The following MCPH1 variants were observed in gnomAD, a reference collection of about 807,000 sequenced individuals.
MCPH1 encodes the protein microcephalin 1, also known as microcephalin.
Under a neutral mutation model 84.5 loss-of-function variants are expected in MCPH1, and 104 were observed. That is an observed-to-expected ratio of 1.23 (90% confidence interval 1.05 to 1.45). The LOEUF is 1.45. MCPH1 is among the 40% of genes most tolerant of loss of function. The pLI is 0.00. For synonymous variants in MCPH1, 514 were observed against 366.8 expected, an observed-to-expected ratio of 1.40 and a Z score of -4.58; for missense variants, 1,498 against 1,005.7, an observed-to-expected ratio of 1.49 and a Z score of -6.62.
intron 4 of MCPH1, 47 bp from the exon 5 acceptor site, chr8:6,436,001 T>G (rs1402466067): frequency 1.2e-6 from 2 of 1,607,352 alleles, no homozygotes; most frequent in Non-Finnish European, 1.7e-6. Flanking sequence ...TTCTCCTGCC[T>G]TAAGCAGTTG....
chr8:6,479,175 G>C (rs1031570066), intron 10 of MCPH1, among the ~76,000 whole-genome samples: 1 of 152,068 alleles, frequency 6.6e-6, no homozygotes, highest in African/African-American at 2.4e-5. Context: ...GATAAGGCAG[G>C]AGGATCACTT....
At chr8:6,590,367 A>C (rs1008142052) in intron 12 of MCPH1, among the ~76,000 whole-genome samples, 8 of 152,234 alleles carry the variant, frequency 5.3e-5, no homozygotes, top group African/African-American at 1.9e-4. Context: ...CATTTGGTTT[A>C]TGTTTTCTGG....
At chr8:6,454,388 C>G (rs1333286235) in intron 8 of MCPH1, among the ~76,000 whole-genome samples, 1 of 152,156 alleles carries the variant, frequency 6.6e-6, no homozygotes, top group Non-Finnish European at 1.5e-5. Context: ...TTGCATTATA[C>G]CATTGAGACC....
In MCPH1 at chr8:6,625,802, A is replaced by G. The variant is rs561303446; in HGVS notation, c.2452+4111A>G. On this transcript the variant is annotated intron_variant, in intron 13 of 13. Transcript: ENST00000344683. ...CCATCTCTAAAAAGAAAAAAAAAAG[A>G]ATCATTTTTCAGTGCCTTTATATTG... 9.1e-5 allele frequency: 90 copies of G among 984,408 alleles called. No homozygotes were observed. In the African/African-American group the frequency reaches 1.5e-3, roughly 16 times the overall value. The allele number at this position is 984,408 out of a possible 1,614,324, so 61.0% of individuals were successfully genotyped here.
intron 13 of MCPH1, among the ~76,000 whole-genome samples, chr8:6,639,324 G>T (rs541044177): frequency 6.6e-6 from 1 of 152,174 alleles, no homozygotes; most frequent in African/African-American, 2.4e-5. Flanking sequence ...AATAAAGATA[G>T]AAGTGTATCT....
intron 12 of MCPH1, among the ~76,000 whole-genome samples, chr8:6,553,050 T>G (rs1823941850): frequency 6.6e-6 from 1 of 152,140 alleles, no homozygotes; most frequent in Admixed American, 6.5e-5. Flanking sequence ...CTTCATACAT[T>G]GGTCCAAACC....
chr8:6,530,530 AAGTAAT>A (rs1332809876), intron 12 of MCPH1, among the ~76,000 whole-genome samples: 2 of 141,160 alleles, frequency 1.4e-5, no homozygotes, highest in Non-Finnish European at 3.1e-5. Context: ...AAAAAAAAAA[AAGTAAT>A]GGCAAAATCT....
chr8:6,500,071 C>T (rs1485149580), intron 12 of MCPH1, 142 bp downstream of exon 12: 4 of 722,346 alleles, frequency 5.5e-6, no homozygotes, highest in East Asian at 2.6e-5. Flanking sequence ...GAACTTAACA[C>T]CTTTTATCAA....
intron 3 of MCPH1, among the ~76,000 whole-genome samples, chr8:6,419,273 G>A (rs1026453483): frequency 6.6e-6 from 1 of 152,032 alleles, no homozygotes; most frequent in Admixed American, 6.6e-5. Flanking sequence ...AGGCTGGAAT[G>A]CAATGACTCA....
At chr8:6,534,673 C>T (rs975014439) in intron 12 of MCPH1, among the ~76,000 whole-genome samples, 1 of 152,188 alleles carries the variant, frequency 6.6e-6, no homozygotes, top group African/African-American at 2.4e-5. Context: ...AAATCAGTCA[C>T]TGATACCCGG....
chr8:6,623,047 C>T (rs1222740514), intron 13 of MCPH1, among the ~76,000 whole-genome samples: 1 of 121,286 alleles, frequency 8.2e-6, no homozygotes, highest in Non-Finnish European at 1.6e-5. Context: ...GAGATGGGGT[C>T]TCCCTATGTT....
intron 9 of MCPH1, chr8:6,473,932 C>G: frequency 1.3e-6 from 2 of 1,485,564 alleles, no homozygotes; most frequent in East Asian, 2.3e-5. Flanking sequence ...TGCTGGGCAG[C>G]CGATGCACAA....
chr8:6,599,516 G>A (rs989907278), intron 12 of MCPH1, among the ~76,000 whole-genome samples: 3 of 152,194 alleles, frequency 2.0e-5, no homozygotes, highest in Non-Finnish European at 2.9e-5. Context: ...ATGTTGGAAT[G>A]GAGACAAAAA....
At chr8:6,466,219 C>G (rs535999116) in intron 9 of MCPH1, among the ~76,000 whole-genome samples, 1 of 151,080 alleles carries the variant, frequency 6.6e-6, no homozygotes, top group South Asian at 2.1e-4. Context: ...TCATTGCAAC[C>G]TCCGCTTCCC....
intron 12 of MCPH1, among the ~76,000 whole-genome samples, chr8:6,576,209 C>A (rs2129576730): frequency 6.6e-6 from 1 of 152,258 alleles, no homozygotes; most frequent in African/African-American, 2.4e-5. Flanking sequence ...CTATGCAAAG[C>A]TTCATTCTGC....
At chr8:6,461,903 T>C (rs1366743631) in intron 9 of MCPH1, among the ~76,000 whole-genome samples, 1 of 152,224 alleles carries the variant, frequency 6.6e-6, no homozygotes, top group African/African-American at 2.4e-5. Context: ...TTTGGTTTAT[T>C]CTACTACTTC....
At chr8:6,545,074 G>T (rs190538782) in intron 12 of MCPH1, among the ~76,000 whole-genome samples, 1 of 152,222 alleles carries the variant, frequency 6.6e-6, no homozygotes, top group East Asian at 1.9e-4. Flanking sequence ...GGTCACAGAA[G>T]CCACACCCTA....
At chr8:6,467,340 T>C (rs1335565123) in intron 9 of MCPH1, among the ~76,000 whole-genome samples, 1 of 152,258 alleles carries the variant, frequency 6.6e-6, no homozygotes, top group Non-Finnish European at 1.5e-5. Context: ...TGTGTTGTTT[T>C]ATTTTTCTGC....
At chr8:6,551,443 T>A (rs1823639330) in intron 12 of MCPH1, among the ~76,000 whole-genome samples, 1 of 152,186 alleles carries the variant, frequency 6.6e-6, no homozygotes. Flanking sequence ...CATGCATGGA[T>A]TTATGTGTTT....
Sources: allele counts gnomAD v4.1 joint callset (sites outside exome capture counted in the v4.1 genomes callset), GRCh38; gene constraint gnomAD v4.1.1; transcripts MANE v1.5; gene names NCBI Gene and HGNC (gene_info 2026-07-23, HGNC 2026-07-21).